Variants in UPP1 observed in about 807,000 individuals in gnomAD.
UPP1 encodes uridine phosphorylase 1.
In UPP1, 25 loss-of-function variants were observed where a neutral mutation model predicts 29.6. That is an observed-to-expected ratio of 0.85 (90% confidence interval 0.62 to 1.18). The LOEUF is 1.18. UPP1 is among the 50% of genes most tolerant of loss of function. The pLI, the probability that UPP1 is intolerant of heterozygous loss-of-function variation, is 0.00. For synonymous variants in UPP1, 165 were observed against 159.8 expected, an observed-to-expected ratio of 1.03 and a Z score of -0.25; for missense variants, 368 against 410.4, an observed-to-expected ratio of 0.90 and a Z score of 0.89.
Position 48,094,744 on chromosome 7 carries a change from T to A in UPP1, c.-21-19T>A. 1 of 1,612,814 alleles carries A rather than the reference T, an allele frequency of 6.2e-7. No individual in the cohort carries two copies. Among genetic ancestry groups the A allele is most frequent in the Middle Eastern group, 1.7e-4 (1 of 6,054 alleles). ...TCTACTGAGTGGATTCACTCCATTCTGTGATTTTTTTTCCTTAGGGTCCTG... is the reference window on the plus strand; with the variant it reads ...TCTACTGAGTGGATTCACTCCATTCAGTGATTTTTTTTCCTTAGGGTCCTG... On this transcript the variant is annotated intron_variant, in intron 2 of 8. Coordinates refer to ENST00000395564, the MANE Select transcript of UPP1 (RefSeq NM_003364.4).
intron 3 of UPP1, 116 bp downstream of exon 3, chr7:48,094,943 T>A: frequency 8.2e-7 from 1 of 1,226,206 alleles, no homozygotes; most frequent in Non-Finnish European, 1.2e-6. Context: ...TTGATGCTTG[T>A]GAAAGAGACT....
intron 6 of UPP1, chr7:48,105,335 C>T (rs1392284745): frequency 6.6e-6 from 1 of 152,240 alleles, no homozygotes; most frequent in Admixed American, 6.5e-5. Context: ...CTGAATTGCC[C>T]AGAACAGCCG....
intron 2 of UPP1, among the ~76,000 whole-genome samples, 151 bp downstream of exon 2, chr7:48,090,515 C>T (rs1029461950): frequency 6.6e-6 from 1 of 152,228 alleles, no homozygotes; most frequent in Non-Finnish European, 1.5e-5. Flanking sequence ...CCACTGTCCC[C>T]TGCCTGGCCT....
At chr7:48,092,512 C>T (rs891677711) in intron 2 of UPP1, among the ~76,000 whole-genome samples, 1 of 151,980 alleles carries the variant, frequency 6.6e-6, no homozygotes, top group Non-Finnish European at 1.5e-5. Flanking sequence ...CCTGGTGAAC[C>T]GGGGGCCAAG....
intron 3 of UPP1, among the ~76,000 whole-genome samples, chr7:48,096,798 C>A (rs1413993747): frequency 6.6e-6 from 1 of 152,146 alleles, no homozygotes; most frequent in Non-Finnish European, 1.5e-5. Context: ...CTCCTGGGCT[C>A]AAGTGATCCT....
chr7:48,108,060 C>T (rs1562661831), intron 8 of UPP1, among the ~76,000 whole-genome samples, 158 bp from the exon 9 acceptor site: 1 of 152,196 alleles, frequency 6.6e-6, no homozygotes, highest in Non-Finnish European at 1.5e-5. Context: ...CCTTTCCCTC[C>T]CGCACTCCAT....
At chr7:48,088,890 C>T (rs1441079447), upstream of UPP1, 2 of 152,474 alleles carry the variant, frequency 1.3e-5, no homozygotes, top group East Asian at 3.9e-4. Flanking sequence ...CGCTTCTAGC[C>T]CGGTTTCCTC....
chr7:48,094,859 G>C lies in UPP1; in HGVS notation c.44+32G>C, dbSNP rs552920851. On this transcript the variant is annotated intron_variant, in intron 3 of 8. Coordinates refer to ENST00000395564, the MANE Select transcript of UPP1 (RefSeq NM_003364.4). ...CTCCATTTCATTCCAGGTTGGGTTG[G>C]GTGGGGTTGGGTTGTTTATAGAGCA... is the stretch of plus-strand genomic sequence containing the variant. 2.1e-5 allele frequency: 34 copies of C among 1,611,770 alleles called. No individual in the cohort carries two copies. In the Admixed American group the frequency reaches 5.5e-4, roughly 26 times the overall value.
At chr7:48,106,847 A>T in intron 6 of UPP1, 26 bp from the exon 7 acceptor site, 1 of 1,611,936 alleles carries the variant, frequency 6.2e-7, no homozygotes. Flanking sequence ...CACCCTGCAT[A>T]TCTTGATGTC....
chr7:48,107,609 A>G, intron 8 of UPP1, 102 bp downstream of exon 8: 1 of 1,403,780 alleles, frequency 7.1e-7, no homozygotes, highest in Non-Finnish European at 9.5e-7. Flanking sequence ...CCCGATACCC[A>G]TTTCTGGTTT....
chr7:48,094,767 C>T lies in UPP1; in HGVS notation c.-17C>T, dbSNP rs1048434371. On this transcript the variant is annotated 5_prime_UTR_variant, in exon 3 of 9. Transcript: ENST00000395564. ...TCTGTGATTTTTTTTCCTTAGGGTC[C>T]TGCCTCAGTTGGCGGAATGGCGGCC... The T allele has an allele frequency of 1.2e-6, 2 of 1,614,074 alleles. No homozygotes were observed. Among genetic ancestry groups the T allele is most frequent in the Non-Finnish European group, 1.7e-6 (2 of 1,180,024 alleles).
At chr7:48,106,745 C>G (rs114423949) in intron 6 of UPP1, 128 bp from the exon 7 acceptor site, 10 of 806,990 alleles carry the variant, frequency 1.2e-5, no homozygotes, top group Non-Finnish European at 2.0e-5. Context: ...CTGGATGCTT[C>G]GTGTTTGGAT....
At chr7:48,097,386 A>G (rs1254615172) in intron 3 of UPP1, among the ~76,000 whole-genome samples, 1 of 152,028 alleles carries the variant, frequency 6.6e-6, no homozygotes, top group Non-Finnish European at 1.5e-5. Flanking sequence ...GGTGCATGCC[A>G]CCATGCCTGG....
At chr7:48,106,735 C>G (rs1288537113) in intron 6 of UPP1, 138 bp from the exon 7 acceptor site, 2 of 758,732 alleles carry the variant, frequency 2.6e-6, no homozygotes, top group Non-Finnish European at 4.4e-6. Flanking sequence ...GAGAACAGTA[C>G]TGGATGCTTC....
At chr7:48,102,632 G>T (rs1792492836) in intron 5 of UPP1, among the ~76,000 whole-genome samples, 5 of 152,186 alleles carry the variant, frequency 3.3e-5, no homozygotes, top group Admixed American at 3.3e-4. Flanking sequence ...AGCCTTTCCT[G>T]TGTGTAAGGC....
rs1465226250 is a variant in UPP1 at position 48,099,701 on chromosome 7, A to G, written c.76A>G (p.Ile26Val). ...DCPVRLLNPN[I>V]AKMKEDILYH... ...CCCCGTCAGACTTTTAAATCCAAAC[A>G]TAGCAAAAATGAAAGAAGATATTCT... is the stretch of plus-strand genomic sequence containing the variant. The change falls in exon 4 of 9, where the codon ATA becomes GTA. Residue 26 changes from isoleucine (I) to valine (V), a missense_variant. Ile to Val is a conservative substitution (Grantham distance 29). Coordinates refer to ENST00000395564, the MANE Select transcript of UPP1 (RefSeq NM_003364.4). The G allele has an allele frequency of 3.7e-6, 6 of 1,613,626 alleles. No individual in the cohort carries two copies. The highest frequency in any genetic ancestry group is 1.6e-4 in the Middle Eastern group (1 of 6,082).
At chr7:48,093,988 T>C (rs1420891772) in intron 2 of UPP1, among the ~76,000 whole-genome samples, 2 of 151,996 alleles carry the variant, frequency 1.3e-5, no homozygotes, top group African/African-American at 4.8e-5. Context: ...GGTGAAACCC[T>C]GTCTCTACTA....
At chr7:48,097,865 G>A (rs553832067) in intron 3 of UPP1, among the ~76,000 whole-genome samples, 102 of 152,344 alleles carry the variant, frequency 6.7e-4, no homozygotes, top group Non-Finnish European at 1.1e-3. Context: ...TCTGAGAAAA[G>A]TTCAAGGATG....
At position 48,089,303 on chromosome 7, in the gene UPP1, C is replaced by T. The variant is rs957846071; in HGVS notation, c.-314C>T. ...GGCGCACAGACCCGCGCCCCGCCGT[C>T]TGCGAGCCTCCCGAGAGCCGTCCCT... On this transcript the variant is annotated 5_prime_UTR_variant, in exon 1 of 9. Transcript: ENST00000395564. 6.6e-6 allele frequency: 1 copy of T among 152,352 alleles called. No homozygotes were observed. The highest frequency in any genetic ancestry group is 1.5e-5 in the Non-Finnish European group (1 of 68,180). The allele number at this position is 152,352 out of a possible 1,614,324, so 9.4% of individuals were successfully genotyped here.
Sources: gnomAD v4.1 joint callset for allele counts (sites outside exome capture counted in the v4.1 genomes callset) on GRCh38, gnomAD v4.1.1 for gene constraint, MANE v1.5 for transcripts, NCBI Gene and HGNC (gene_info 2026-07-23, HGNC 2026-07-21) for gene names.